The following MUC5B variants were observed in gnomAD, a reference collection of about 807,000 sequenced individuals.
MUC5B encodes the protein mucin 5B, oligomeric mucus/gel-forming.
In MUC5B, 116 loss-of-function variants were observed where a neutral mutation model predicts 376.9. That is an observed-to-expected ratio of 0.31 (90% CI 0.26 to 0.36). MUC5B has a LOEUF of 0.36. MUC5B is among the 10% of genes least tolerant of loss of function. The pLI is 1.00. For synonymous variants in MUC5B, 3,517 were observed against 3,390.9 expected (o/e 1.04, Z -1.29); for missense variants, 7,165 against 7,769.9 (o/e 0.92, Z 2.93).
rs758646486 is a variant in MUC5B, at chr11:1,250,742, C to G, written c.13862C>G (p.Thr4621Arg). The change falls in exon 31 of 49, where the codon ACA becomes AGA. Residue 4621 changes from threonine to arginine, a missense_variant. Transcript: ENST00000529681. Reference protein sequence around the residue: ...TALTPPVWISTTTTPTTTTPT... With the variant: ...TALTPPVWISRTTTPTTTTPT... ...CTCACGCCTCCAGTGTGGATCAGCA[C>G]AACCACCACACCCACAACCACCACA... 5.0e-6 allele frequency: 8 copies of G among 1,602,094 alleles called. No individual in the cohort carries two copies. The highest frequency in any genetic ancestry group is 6.8e-6 in the Non-Finnish European group (8 of 1,171,638).
At position 1,247,904 on chromosome 11, in the gene MUC5B, C is replaced by G; in HGVS notation, c.11024C>G (p.Pro3675Arg). 1.2e-6 allele frequency: 2 copies of G among 1,611,684 alleles called. No individual in the cohort carries two copies. Among genetic ancestry groups the G allele is most frequent in the Non-Finnish European group, 1.7e-6 (2 of 1,178,970 alleles). The change falls in exon 31 of 49, where the codon CCG becomes CGG. Residue 3675 changes from proline (P) to arginine (R), a missense_variant. Physicochemically the swap from Pro to Arg is moderately radical, Grantham distance 103 (BLOSUM62 -2). Around this residue, in one of 31 missense-constraint regions of MUC5B, gnomAD observed 90 missense variants for 71.1 expected, o/e 1.27. Coordinates refer to ENST00000529681, the MANE Select transcript of MUC5B (RefSeq NM_002458.3). ...CCNYGHCPST[P>R]ATSSTATPSS... is the part of the protein sequence containing the mutation. ...AACTACGGCCACTGCCCCAGCACCC[C>G]GGCCACCAGCTCTACGGCCACGCCC...
rs1307824767 is a variant in MUC5B at position 1,239,774 on chromosome 11, C to T, written c.3584-25C>T. 2.5e-6 allele frequency: 4 copies of T among 1,597,962 alleles called. No individual in the cohort carries two copies. The South Asian group carries it at 3.4e-5, about 14-fold the overall frequency. ...GAGAGACTAAAGGGCCCTGGTGAGT[C>T]TTCTGCTCACCCTGCCGGCCCTAGG... On this transcript the variant is annotated intron_variant, in intron 27 of 48. Transcript: ENST00000529681.
At chr11:1,256,955 G>A (rs1012603844) in intron 39 of MUC5B, among the ~76,000 whole-genome samples, 184 bp downstream of exon 39, 3 of 152,120 alleles carry the variant, frequency 2.0e-5, no homozygotes, top group East Asian at 3.9e-4. Context: ...GAGCCCCCAC[G>A]GTCCCCTGAA....
chr11:1,241,141 G>T lies in MUC5B; in HGVS notation c.4261G>T (p.Glu1421Ter). The change falls in exon 31 of 49, where the codon GAG becomes TAG. Residue 1421 changes from glutamate to a stop codon, truncating the protein, a stop_gained. Transcript: ENST00000529681. LOFTEE classifies it high-confidence loss of function. The stretch of plus-strand genomic sequence containing the variant: ...GAGTCCCCCGCTCTGTCACGACTAC[G>T]AGCTGCGGGTTCTCTGCTGCGAATA... ...QQSPPLCHDY[E>*]LRVLCCEYVP... is the part of the protein sequence containing the mutation. 1 of 1,609,634 alleles carries T rather than the reference G, an allele frequency of 6.2e-7. No individual in the cohort carries two copies. Among genetic ancestry groups the T allele is most frequent in the Non-Finnish European group, 8.5e-7 (1 of 1,178,232 alleles).
chr11:1,236,445 G>A lies in MUC5B; in HGVS notation c.2940G>A (p.Gly980=). The A allele has an allele frequency of 1.2e-6, 2 of 1,612,782 alleles. No individual in the cohort carries two copies. Among genetic ancestry groups the A allele is most frequent in the Non-Finnish European group, 1.7e-6 (2 of 1,179,764 alleles). Residue 980 remains glycine (G), a synonymous_variant, in exon 24 of 49, where the codon GGG becomes GGA. Coordinates refer to ENST00000529681, the MANE Select transcript of MUC5B (RefSeq NM_002458.3). ...AGGCGGTGGCGAGAGGGCCGGGTGGGGACCCACCCTACAAGATACGCTACA... is the reference window on the plus strand; with the variant it reads ...AGGCGGTGGCGAGAGGGCCGGGTGGAGACCCACCCTACAAGATACGCTACA... ...TFKAVARGPG[G]DPPYKIRYMG... is the part of the protein sequence containing the mutation.
chr11:1,245,825 C>T lies in MUC5B; in HGVS notation c.8945C>T (p.Thr2982Met), dbSNP rs182116486. The change falls in exon 31 of 49, where the codon ACG becomes ATG. Residue 2982 changes from threonine to methionine, a missense_variant. Around this residue, in one of 31 missense-constraint regions of MUC5B, gnomAD observed 939 missense variants for 770.6 expected, o/e 1.22. Transcript: ENST00000529681. Reference protein sequence around the residue: ...PSTPATSSTATPSSTPGTTWI... With the variant: ...PSTPATSSTAMPSSTPGTTWI... ...ACCCCGGCCACCAGCTCTACGGCCA[C>T]GCCCTCCTCCACTCCAGGGACGACC... 4.5e-3 allele frequency: 7,276 copies of T among 1,613,078 alleles called. 344 individuals carry two copies. The African/African-American group carries it at 0.081, about 18-fold the overall frequency.
At chr11:1,260,964 C>G (rs56257756) in intron 48 of MUC5B, among the ~76,000 whole-genome samples, 13,916 of 152,312 alleles carry the variant, frequency 0.091, 783 homozygotes, top group African/African-American at 0.17. Flanking sequence ...CAGAGCTCCC[C>G]GCTGCGAACC....
In MUC5B at chr11:1,243,023, C is replaced by A. The variant is rs775284947; in HGVS notation, c.6143C>A (p.Thr2048Asn). ...TPSSTPGTAH[T>N]TKVPTTTTTG... ...TCCTCCACCCCAGGAACAGCTCACA[C>A]TACCAAAGTGCCAACTACCACAACC... Residue 2048 changes from threonine (T) to asparagine (N), a missense_variant, in exon 31 of 49, where the codon ACT becomes AAT. Thr to Asn is a moderately conservative substitution (Grantham distance 65). Transcript: ENST00000529681. 6 of 1,612,948 alleles carry A rather than the reference C, an allele frequency of 3.7e-6. No homozygotes were observed. Among genetic ancestry groups the A allele is most frequent in the African/African-American group, 1.3e-5 (1 of 74,698 alleles).
At position 1,232,096 on chromosome 11, in the gene MUC5B, C is replaced by T. The variant is rs1862040989; in HGVS notation, c.1779C>T (p.Ala593=). ...TGAAFANTWK[A]QAACANARNS... is the part of the protein sequence containing the mutation. ...CAGCCTTCGCCAACACCTGGAAGGC[C>T]CAGGCTGCCTGTGCCAATGCCAGGA... Residue 593 remains alanine, a synonymous_variant, in exon 15 of 49, where the codon GCC becomes GCT. Coordinates refer to ENST00000529681, the MANE Select transcript of MUC5B (RefSeq NM_002458.3). 6.2e-7 allele frequency: 1 copy of T among 1,612,644 alleles called. No individual in the cohort carries two copies. The highest frequency in any genetic ancestry group is 1.1e-5 in the South Asian group (1 of 91,068).
At position 1,232,171 on chromosome 11, in the gene MUC5B, C is replaced by G. The variant is rs12421917; in HGVS notation, c.1843+11C>G. On this transcript the variant is annotated intron_variant, in intron 15 of 48. Coordinates refer to ENST00000529681, the MANE Select transcript of MUC5B (RefSeq NM_002458.3). ...TCAGTGTGGAGAATGGTACTCCTCG[C>G]CCCCACCCCCACAGTCACCCCAGGC... 0.41 allele frequency: 646,419 copies of G among 1,576,108 alleles called. 133,444 individuals are homozygous for G. The highest frequency in any genetic ancestry group is 0.6 in the East Asian group (26,492 of 44,172).
In MUC5B at chr11:1,238,917, C is replaced by T. The variant is rs1457114305; in HGVS notation, c.3344C>T (p.Ala1115Val). Residue 1115 changes from alanine (A) to valine (V), a missense_variant, in exon 26 of 49, where the codon GCC (alanine) becomes GTC (valine). Physicochemically the swap from Ala to Val is moderately conservative, Grantham distance 64 (BLOSUM62 0). Transcript: ENST00000529681. ...YYEACVNDAC[A>V]CDSGGDCECF... ...GAGGCCTGCGTGAACGACGCGTGTG[C>T]CTGCGACTCGGGTGGCGACTGCGAG... is the stretch of plus-strand genomic sequence containing the variant. The T allele has an allele frequency of 6.4e-7, 1 of 1,570,952 alleles. No homozygotes were observed. The highest frequency in any genetic ancestry group is 2.4e-5 in the East Asian group (1 of 42,406).
At chr11:1,261,289 C>A in intron 48 of MUC5B, 100 bp from the exon 49 acceptor site, 1 of 1,065,744 alleles carries the variant, frequency 9.4e-7, no homozygotes, top group Non-Finnish European at 1.4e-6. Context: ...AAGGGGGCGG[C>A]CGTCTGGCCC....
In MUC5B at chr11:1,227,197, C is replaced by T. The variant is rs1472212492; in HGVS notation, c.576+52C>T. ...CCTTCAGGCCTGGCCACAAAACCCC[C>T]ACCGGGGGTCGAGGGATGCCTCCCT... On this transcript the variant is annotated intron_variant, in intron 5 of 48. Transcript: ENST00000529681. The T allele has an allele frequency of 3.8e-6, 6 of 1,584,364 alleles. No homozygotes were observed. In the Admixed American group the frequency reaches 5.1e-5, roughly 14 times the overall value.
chr11:1,235,574 G>A, intron 23 of MUC5B, 161 bp downstream of exon 23: 1 of 649,408 alleles, frequency 1.5e-6, no homozygotes, highest in Non-Finnish European at 2.7e-6. Context: ...TTAGACAACA[G>A]AAATGCATTC....
At chr11:1,227,915 C>G in intron 7 of MUC5B, 134 bp downstream of exon 7, 2 of 610,096 alleles carry the variant, frequency 3.3e-6, no homozygotes, top group African/African-American at 1.8e-5. Context: ...CAGCCACCCT[C>G]TGTGTGCTCA....
intron 37 of MUC5B, 25 bp from the exon 38 acceptor site, chr11:1,256,131 G>A (rs749084186): frequency 1.4e-6 from 1 of 720,954 alleles, no homozygotes. Context: ...CCCTTGGCTT[G>A]TCTGACACCT....
Position 1,246,111 on chromosome 11 carries a change from C to G in MUC5B, c.9231C>G (p.Thr3077=). ...TCCCCTCCTTCACCCTTGGGACCAC[C>G]GGGACCCTCCCAGAACAGACCACCA... ...TPIPSFTLGT[T]GTLPEQTTTP... Residue 3077 remains threonine (T), a synonymous_variant, in exon 31 of 49, where the codon ACC becomes ACG. Transcript: ENST00000529681. 1.9e-6 allele frequency: 3 copies of G among 1,613,100 alleles called. No individual in the cohort carries two copies. Among genetic ancestry groups the G allele is most frequent in the Non-Finnish European group, 2.5e-6 (3 of 1,179,586 alleles).
Position 1,234,479 on chromosome 11 carries a change from C to T in MUC5B, c.2479-50C>T. On this transcript the variant is annotated intron_variant, in intron 20 of 48. Transcript: ENST00000529681. This position sits in a 1 kb window ranked among gnomAD's most constrained non-coding sequence, Gnocchi z 6.3. ...GCCTGTCCCAGAGGGTGAGTGACAT[C>T]TGCCCACCCTGGTGTCCAGCCCTGA... is the stretch of plus-strand genomic sequence containing the variant. The T allele has an allele frequency of 6.5e-7, 1 of 1,550,020 alleles. No homozygotes were observed. Among genetic ancestry groups the T allele is most frequent in the Non-Finnish European group, 8.7e-7 (1 of 1,146,670 alleles).
In MUC5B at chr11:1,249,700, G is replaced by C. The variant is rs1590186778; in HGVS notation, c.12820G>C (p.Gly4274Arg). ...GSTATPSSTP[G>R]TAPPPKVLTS... ...CACGGCCACCCCGTCCTCCACCCCG[G>C]GAACAGCTCCCCCTCCCAAAGTGCT... Residue 4274 changes from glycine (G) to arginine (R), a missense_variant, in exon 31 of 49, where the codon GGA becomes CGA. This residue lies in a region of MUC5B where 431 missense variants were observed against 390.4 expected (regional missense o/e 1.10). Transcript: ENST00000529681. 1 of 1,609,608 alleles carries C rather than the reference G, an allele frequency of 6.2e-7. No homozygotes were observed. Among genetic ancestry groups the C allele is most frequent in the African/African-American group, 1.3e-5 (1 of 74,302 alleles).
Sources: allele counts gnomAD v4.1 joint callset (sites outside exome capture counted in the v4.1 genomes callset), GRCh38; gene constraint gnomAD v4.1.1; regional missense constraint gnomAD v4.1.1; non-coding constraint Gnocchi (gnomAD v3.1); transcripts MANE v1.5; gene names NCBI Gene and HGNC (gene_info 2026-07-23, HGNC 2026-07-21).